AGAP1: variants seen among roughly 807,000 people sequenced by gnomAD.
AGAP1 encodes ArfGAP with GTPase domain, ankyrin repeat and PH domain 1, also known as arf-GAP with GTPase, ANK repeat and PH domain-containing protein 1.
In AGAP1, 29 loss-of-function variants were observed where a neutral mutation model predicts 105.3. That is an observed-to-expected ratio of 0.28 (90% CI 0.21 to 0.38). The LOEUF (loss-of-function observed/expected upper bound fraction) is 0.38. Ranked by LOEUF, AGAP1 falls within the 10% of genes least tolerant of loss-of-function variation. The probability of loss-of-function intolerance (pLI) is 1.00; values close to 1 mark genes in which losing one functional copy is unlikely to be tolerated. For missense variants in AGAP1, 998 were observed against 1,165.1 expected (o/e 0.86, Z 2.09); for synonymous variants, 509 against 485.9 (o/e 1.05, Z -0.63).
intron 1 of AGAP1, among the ~76,000 whole-genome samples, chr2:235,505,102 A>T (rs1941738990): frequency 6.6e-6 from 1 of 152,166 alleles, no homozygotes; most frequent in Non-Finnish European, 1.5e-5. Flanking sequence ...TAGATAACCC[A>T]CTGGATCTGT....
rs944813170 is a variant in AGAP1 at position 235,691,059 on chromosome 2, G to C, written c.164-18120G>C. On this transcript the variant is annotated intron_variant, in intron 1 of 17. Transcript: ENST00000304032. This position sits in a 1 kb window ranked among gnomAD's most constrained non-coding sequence, Gnocchi z 4.4. The stretch of plus-strand genomic sequence containing the variant: ...ATTAGTGTGCCTAGAGTGCCAAGGT[G>C]GGGGTTGTAGACAAGATTCTACCCC... 6.6e-6 allele frequency among the ~76,000 whole-genome samples: 1 copy of C among 152,098 alleles called. No homozygotes were observed. The highest frequency in any genetic ancestry group is 2.1e-4 in the South Asian group (1 of 4,820).
At chr2:235,536,874 C>T (rs13427587) in intron 1 of AGAP1, among the ~76,000 whole-genome samples, 1 of 152,154 alleles carries the variant, frequency 6.6e-6, no homozygotes, top group Admixed American at 6.5e-5. Context: ...CCAGGGACTG[C>T]GGCTTCCTTC....
At position 235,826,220 on chromosome 2, in the gene AGAP1, A is replaced by G. The variant is rs79819275; in HGVS notation, c.1050+18889A>G. 9.2e-4 allele frequency among the ~76,000 whole-genome samples: 140 copies of G among 152,280 alleles called. 2 individuals carry two copies. The East Asian group carries it at 0.022, about 24-fold the overall frequency. ...TCTTTATCCCTCATAGATTCCTTTC[A>G]GGTTACCCCCAAATAGGGTGACCTA... On this transcript the variant is annotated intron_variant, in intron 9 of 17. Transcript: ENST00000304032.
In AGAP1 at chr2:236,036,619, T is replaced by G. The variant is rs1196501678; in HGVS notation, c.1704T>G (p.Phe568Leu). The change falls in exon 14 of 18, where the codon TTT (phenylalanine) becomes TTG (leucine). Residue 568 changes from phenylalanine to leucine, a missense_variant. Physicochemically the swap from Phe to Leu is conservative, Grantham distance 22. This residue lies in a region of AGAP1 where 735 missense variants were observed against 833.4 expected (regional missense o/e 0.88). Transcript: ENST00000304032. The surrounding 1 kb of genome is among the most constrained non-coding windows in gnomAD (Gnocchi z 5.7). ...IVSLTGQTWH[F>L]EATTYEERDA... ...CCCTCACTGGCCAAACATGGCACTT[T>G]GAAGCCACGACGTATGAGGAGCGGG... 6.2e-7 allele frequency: 1 copy of G among 1,614,204 alleles called. No individual in the cohort carries two copies. Among genetic ancestry groups the G allele is most frequent in the South Asian group, 1.1e-5 (1 of 91,082 alleles).
chr2:235,785,985 A>T (rs530249677), intron 6 of AGAP1, among the ~76,000 whole-genome samples: 2 of 152,352 alleles, frequency 1.3e-5, no homozygotes, highest in East Asian at 3.9e-4. Context: ...TCACGTGCAG[A>T]TTGAAGAATT....
chr2:235,767,352 G>T (rs1370306530), intron 6 of AGAP1, among the ~76,000 whole-genome samples: 1 of 152,234 alleles, frequency 6.6e-6, no homozygotes, highest in Non-Finnish European at 1.5e-5. Flanking sequence ...GAATCGGGAG[G>T]CAGGTTGGGC....
chr2:235,637,834 T>C (rs529641520), intron 1 of AGAP1, among the ~76,000 whole-genome samples: 1 of 152,254 alleles, frequency 6.6e-6, no homozygotes, highest in South Asian at 2.1e-4. Context: ...ACTGGTGGCA[T>C]CCTTCAGCCC....
chr2:235,748,721 A>G (rs1338096052), intron 5 of AGAP1, among the ~76,000 whole-genome samples: 1 of 152,256 alleles, frequency 6.6e-6, no homozygotes, highest in Admixed American at 6.5e-5. Context: ...AATATACTTC[A>G]AAAAATGAAG....
chr2:235,597,361 C>A (rs942632800), intron 1 of AGAP1, among the ~76,000 whole-genome samples: 2 of 152,218 alleles, frequency 1.3e-5, no homozygotes, highest in Non-Finnish European at 2.9e-5. Flanking sequence ...TTGTCCTCTG[C>A]CACACACAGC....
At chr2:235,643,966 G>A (rs975862825) in intron 1 of AGAP1, among the ~76,000 whole-genome samples, 6 of 152,152 alleles carry the variant, frequency 3.9e-5, no homozygotes, top group Non-Finnish European at 7.3e-5. Context: ...CAGAGCCCCC[G>A]TGATGTGTGC....
At position 235,968,567 on chromosome 2, in the gene AGAP1, G is replaced by A. The variant is rs3207207; in HGVS notation, c.1589G>A (p.Arg530Gln). 1.7e-5 allele frequency: 27 copies of A among 1,586,000 alleles called. No individual in the cohort carries two copies. The highest frequency in any genetic ancestry group is 3.6e-5 in the Admixed American group (2 of 55,170). ...CCTCACGCCAACAGAAAGAAGCACC[G>A]AAGGAAGAAAAGCACTAGCAACTTC... ...PSPHANRKKHRRKKSTSNFKA... is the reference protein window; with the variant it reads ...PSPHANRKKHQRKKSTSNFKA... Residue 530 changes from arginine (R) to glutamine (Q), a missense_variant, in exon 13 of 18, where the codon CGA becomes CAA. Coordinates refer to ENST00000304032, the MANE Select transcript of AGAP1 (RefSeq NM_001037131.3).
At chr2:235,797,513 C>G (rs891764682) in intron 6 of AGAP1, among the ~76,000 whole-genome samples, 1 of 151,520 alleles carries the variant, frequency 6.6e-6, no homozygotes, top group African/African-American at 2.4e-5. Flanking sequence ...TCCTTCTGCT[C>G]TCATCCTGCT....
chr2:235,770,133 CTTTT>C (rs57008190), intron 6 of AGAP1, among the ~76,000 whole-genome samples: 2 of 136,656 alleles, frequency 1.5e-5, no homozygotes, highest in African/African-American at 5.2e-5. Flanking sequence ...TTCTTTGTTT[CTTTT>C]TTTTTTTTGA....
chr2:236,048,586 CTT>C (rs2057796299), intron 15 of AGAP1, among the ~76,000 whole-genome samples: 1 of 152,182 alleles, frequency 6.6e-6, no homozygotes, highest in Admixed American at 6.5e-5. Context: ...CTACTGGAAA[CTT>C]TGATGTGCCA....
rs1951391968 is a variant in AGAP1 at position 235,721,659 on chromosome 2, A to C, written c.310+4015A>C. Among the ~76,000 whole-genome samples, 1 of 152,066 alleles carries C rather than the reference A, an allele frequency of 6.6e-6. No homozygotes were observed. Among genetic ancestry groups the C allele is most frequent in the South Asian group, 2.1e-4 (1 of 4,830 alleles). Reference sequence around the variant, plus strand: ...ACGGGGTTGGTTCCTTCTGCAGCTTAGAGGTTGAATCTGTTCTATGTCTGT... The same window carrying C: ...ACGGGGTTGGTTCCTTCTGCAGCTTCGAGGTTGAATCTGTTCTATGTCTGT... On this transcript the variant is annotated intron_variant, in intron 3 of 17. Coordinates refer to ENST00000304032, the MANE Select transcript of AGAP1 (RefSeq NM_001037131.3). The surrounding 1 kb of genome is among the most constrained non-coding windows in gnomAD (Gnocchi z 4.5).
rs540890778 is a variant in AGAP1, at chr2:235,919,393, G to A, written c.1324+10487G>A. ...TACCACTCATATAGTGAACGTTTGC[G>A]TTTCTGGAGTATTTCTAGGGAGTGG... On this transcript the variant is annotated intron_variant, in intron 11 of 17. Coordinates refer to ENST00000304032, the MANE Select transcript of AGAP1 (RefSeq NM_001037131.3). This position sits in a 1 kb window ranked among gnomAD's most constrained non-coding sequence, Gnocchi z 4.1. Among the ~76,000 whole-genome samples, 15 of 152,232 alleles carry A rather than the reference G, an allele frequency of 9.9e-5. No individual in the cohort carries two copies. Among genetic ancestry groups the A allele is most frequent in the South Asian group, 2.1e-4 (1 of 4,808 alleles).
At chr2:235,790,866 T>C (rs1052305551) in intron 6 of AGAP1, among the ~76,000 whole-genome samples, 2 of 152,210 alleles carry the variant, frequency 1.3e-5, no homozygotes, top group Admixed American at 1.3e-4. Flanking sequence ...TCTTGGAACA[T>C]GGGCTGACTG....
chr2:236,031,786 C>G (rs927390107), intron 13 of AGAP1, among the ~76,000 whole-genome samples: 2 of 152,088 alleles, frequency 1.3e-5, no homozygotes, highest in African/African-American at 4.8e-5. Context: ...TTCCATCAGA[C>G]AGAAGTTCCC....
At chr2:235,986,800 C>G (rs1372103892) in intron 13 of AGAP1, among the ~76,000 whole-genome samples, 1 of 152,176 alleles carries the variant, frequency 6.6e-6, no homozygotes, top group Non-Finnish European at 1.5e-5. Flanking sequence ...GTTGAACCAG[C>G]CTTGCATCCC....
Sources: gnomAD v4.1 joint callset for allele counts (sites outside exome capture counted in the v4.1 genomes callset) on GRCh38, gnomAD v4.1.1 for gene constraint, gnomAD v4.1.1 regional missense constraint, Gnocchi (gnomAD v3.1) non-coding constraint, MANE v1.5 for transcripts, NCBI Gene and HGNC (gene_info 2026-07-23, HGNC 2026-07-21) for gene names.